The following BRAF variants were observed in gnomAD, a reference collection of about 807,000 sequenced individuals.
BRAF encodes the protein B-Raf proto-oncogene, serine/threonine kinase.
A neutral mutation model predicts 104.6 loss-of-function variants in BRAF; 16 were observed. That is an observed-to-expected ratio of 0.15 (90% CI 0.10 to 0.23). The LOEUF (loss-of-function observed/expected upper bound fraction) is 0.23. Among genes scored for constraint, BRAF ranks in the 10% least tolerant of loss-of-function variants. The probability of loss-of-function intolerance (pLI) is 1.00; values close to 1 mark genes in which losing one functional copy is unlikely to be tolerated. For synonymous variants in BRAF, 310 were observed against 341.6 expected (o/e 0.91, Z 1.02); for missense variants, 541 against 937.3 (o/e 0.58, Z 5.52).
intron 2 of BRAF, among the ~76,000 whole-genome samples, chr7:140,849,140 T>G (rs567597913): frequency 1.3e-5 from 2 of 152,148 alleles, no homozygotes; most frequent in East Asian, 3.9e-4. Context: ...GTGTGTAGGG[T>G]AGTAGTGAGC....
chr7:140,782,047 T>G (rs922796994), intron 11 of BRAF, among the ~76,000 whole-genome samples: 1 of 152,126 alleles, frequency 6.6e-6, no homozygotes, highest in South Asian at 2.1e-4. Context: ...CTCTTAATGC[T>G]GTCCCTCTCC....
intron 1 of BRAF, among the ~76,000 whole-genome samples, chr7:140,883,094 C>T (rs914010674): frequency 6.6e-6 from 1 of 151,960 alleles, no homozygotes; most frequent in Admixed American, 6.5e-5. Flanking sequence ...GATAATTTTC[C>T]TATGGCTTTC....
intron 14 of BRAF, chr7:140,758,116 A>G (rs1798356402): frequency 6.6e-6 from 1 of 152,206 alleles, no homozygotes; most frequent in Non-Finnish European, 1.5e-5. Context: ...AGACATTTGC[A>G]TGTCAGCCCT....
intron 17 of BRAF, among the ~76,000 whole-genome samples, chr7:140,742,790 A>G (rs1236511107): frequency 6.6e-6 from 1 of 152,158 alleles, no homozygotes; most frequent in Non-Finnish European, 1.5e-5. Flanking sequence ...CAGGCAACCT[A>G]CAAAATGGGA....
chr7:140,743,122 G>C lies in BRAF; in HGVS notation c.2113-3176C>G, dbSNP rs559609866. ...AAATAGGAACACTTTTACACTGTTGGTGGGACTGTAAACTAGTTCAACCTT... is the reference window on the plus strand; with the variant it reads ...AAATAGGAACACTTTTACACTGTTGCTGGGACTGTAAACTAGTTCAACCTT... On this transcript the variant is annotated intron_variant, in intron 17 of 19. Transcript: ENST00000644969. Among the ~76,000 whole-genome samples the C allele has an allele frequency of 1.4e-4, 22 of 151,922 alleles. No individual in the cohort carries two copies. In the East Asian group the frequency reaches 3.5e-3, roughly 24 times the overall value.
At chr7:140,747,749 A>G (rs1177062872) in intron 17 of BRAF, among the ~76,000 whole-genome samples, 1 of 152,346 alleles carries the variant, frequency 6.6e-6, no homozygotes, top group Middle Eastern at 3.4e-3. Context: ...TGTAAAAGAC[A>G]GAGGACATGA....
At position 140,722,168 on chromosome 7, in the gene BRAF, T is replaced by G. The variant is rs536509537; in HGVS notation, c.*4326A>C. The stretch of plus-strand genomic sequence containing the variant: ...ATGTCACTGAACTATATTTGCAACC[T>G]AGTTGCTCTATGTGATAAATATATC... On this transcript the variant is annotated 3_prime_UTR_variant, in exon 20 of 20. Transcript: ENST00000644969. 1.9e-6 allele frequency: 2 copies of G among 1,061,670 alleles called. No individual in the cohort carries two copies. The highest frequency in any genetic ancestry group is 2.3e-6 in the Non-Finnish European group (2 of 876,966). 65.8% of individuals were successfully genotyped at this position (1,061,670 alleles called of 1,614,324 possible). A position where few individuals can be genotyped will look rare whatever the true frequency, so the allele number is the denominator to read the frequency against.
chr7:140,759,307 T>G (rs1798468560), intron 14 of BRAF, among the ~76,000 whole-genome samples: 1 of 152,262 alleles, frequency 6.6e-6, no homozygotes, highest in African/African-American at 2.4e-5. Context: ...CTGTATCATT[T>G]AAAATCTTTA....
chr7:140,775,570 C>A (rs1226510614), intron 14 of BRAF, among the ~76,000 whole-genome samples: 1 of 150,484 alleles, frequency 6.6e-6, no homozygotes, highest in Admixed American at 6.6e-5. Context: ...AACTCCCGAC[C>A]TCAGGTGATC....
Position 140,801,549 on chromosome 7 carries a change from C to A in BRAF, c.723G>T (p.Thr241=). 1 of 1,612,696 alleles carries A rather than the reference C, an allele frequency of 6.2e-7. No homozygotes were observed. The highest frequency in any genetic ancestry group is 8.5e-7 in the Non-Finnish European group (1 of 1,179,204). The part of the protein sequence containing the change: ...PLTTHNFVRK[T]FFTLAFCDFC... ...AGTCACAAAATGCTAAGGTGAAAAA[C>A]GTTTTTCGTACCTGCAAAGTAAAAA... is the stretch of plus-strand genomic sequence containing the variant. Residue 241 remains threonine (T), a synonymous_variant, in exon 6 of 20, where the codon ACG becomes ACT. Transcript: ENST00000644969.
At chr7:140,855,218 G>A (rs766983132) in intron 1 of BRAF, among the ~76,000 whole-genome samples, 11 of 151,868 alleles carry the variant, frequency 7.2e-5, no homozygotes, top group Admixed American at 3.3e-4. Context: ...AAAAGCTAAC[G>A]GTAGGTACAT....
intron 1 of BRAF, among the ~76,000 whole-genome samples, chr7:140,892,879 A>C (rs1563021418): frequency 6.6e-6 from 1 of 152,248 alleles, no homozygotes; most frequent in Admixed American, 6.5e-5. Context: ...GATCACTTTT[A>C]ATTTTAAATT....
At chr7:140,878,506 C>A (rs1297952532) in intron 1 of BRAF, among the ~76,000 whole-genome samples, 1 of 152,006 alleles carries the variant, frequency 6.6e-6, no homozygotes, top group East Asian at 1.9e-4. Flanking sequence ...AGCTGCAAGT[C>A]ATGAATTTAA....
At chr7:140,739,292 T>C (rs1375178890) in intron 18 of BRAF, among the ~76,000 whole-genome samples, 1 of 152,150 alleles carries the variant, frequency 6.6e-6, no homozygotes, top group Non-Finnish European at 1.5e-5. Flanking sequence ...GATATTGCAA[T>C]GTGAGTGCAA....
At position 140,783,127 on chromosome 7, in the gene BRAF, G is replaced by C; in HGVS notation, c.1328C>G (p.Pro443Arg). Residue 443 changes from proline (P) to arginine (R), a missense_variant, in exon 11 of 20, where the codon CCT becomes CGT. By Grantham distance (103) the Pro-to-Arg change is moderately radical. Transcript: ENST00000644969. ...GSTTGLSATP[P>R]ASLPGSLTNV... ...AGTTAGTGAGCCAGGTAATGAGGCAGGGGGGGTAGCAGACAAACCTGTGGT... is the reference window on the plus strand; with the variant it reads ...AGTTAGTGAGCCAGGTAATGAGGCACGGGGGGTAGCAGACAAACCTGTGGT... 6.2e-7 allele frequency: 1 copy of C among 1,613,532 alleles called. No homozygotes were observed. The highest frequency in any genetic ancestry group is 8.5e-7 in the Non-Finnish European group (1 of 1,179,628).
At position 140,724,462 on chromosome 7, in the gene BRAF, C is replaced by T. The variant is rs1795490149; in HGVS notation, c.*2032G>A. 9.5e-7 allele frequency: 1 copy of T among 1,053,868 alleles called. No individual in the cohort carries two copies. Among genetic ancestry groups the T allele is most frequent in the Admixed American group, 5.4e-5 (1 of 18,360 alleles). 65.3% of individuals were successfully genotyped at this position (1,053,868 alleles called of 1,614,324 possible). A position where few individuals can be genotyped will look rare whatever the true frequency, so the allele number is the denominator to read the frequency against. ...TTCAAATCAGCGTGAATTATTTCCA[C>T]CTTTGCAATTTCTGAATTTTGTAAG... On this transcript the variant is annotated 3_prime_UTR_variant, in exon 20 of 20. Transcript: ENST00000644969.
At chr7:140,769,124 T>C (rs918930510) in intron 14 of BRAF, among the ~76,000 whole-genome samples, 3 of 152,104 alleles carry the variant, frequency 2.0e-5, no homozygotes, top group African/African-American at 7.2e-5. Flanking sequence ...TCACCTAGGC[T>C]GGAGTGCAGT....
chr7:140,799,191 C>T (rs1238016307), intron 7 of BRAF: 4 of 218,892 alleles, frequency 1.8e-5, no homozygotes, highest in Non-Finnish European at 3.7e-5. Flanking sequence ...CAGCTTTATC[C>T]TCAACTGATT....
At chr7:140,760,421 GAAAAA>G (rs55872126) in intron 14 of BRAF, among the ~76,000 whole-genome samples, 1 of 111,260 alleles carries the variant, frequency 9.0e-6, no homozygotes, top group Non-Finnish European at 1.9e-5. Context: ...TTGAGAGAGA[GAAAAA>G]AAAAAAAAAA....
Sources: gnomAD v4.1 joint callset for allele counts (sites outside exome capture counted in the v4.1 genomes callset) on GRCh38, gnomAD v4.1.1 for gene constraint, MANE v1.5 for transcripts, NCBI Gene and HGNC (gene_info 2026-07-23, HGNC 2026-07-21) for gene names.